Variants in GYG1 observed in about 807,000 individuals in gnomAD.
GYG1 encodes the protein glycogenin-1.
GYG1 carries 44 observed loss-of-function variants against 41.9 expected under a neutral mutation model. That is an observed-to-expected ratio of 1.05 (90% confidence interval 0.83 to 1.35). GYG1 has a LOEUF of 1.35. Ranked by LOEUF, GYG1 falls within the 40% of genes most tolerant of loss-of-function variation. GYG1 has a pLI of 0.00. For missense variants in GYG1, 429 were observed against 418.9 expected, an observed-to-expected ratio of 1.02 and a Z score of -0.21; for synonymous variants, 141 against 158.1, an observed-to-expected ratio of 0.89 and a Z score of 0.81.
chr3:148,999,439 A>C (rs1357652918), intron 4 of GYG1, among the ~76,000 whole-genome samples: 3 of 152,250 alleles, frequency 2.0e-5, no homozygotes, highest in Non-Finnish European at 4.4e-5. Context: ...ATGAATTAGC[A>C]GTTCTCGAAT....
intron 5 of GYG1, among the ~76,000 whole-genome samples, chr3:149,015,068 T>C (rs1205984658): frequency 6.6e-6 from 1 of 152,204 alleles, no homozygotes; most frequent in Admixed American, 6.5e-5. Context: ...TGGTAGGATA[T>C]GTCAAATGTG....
intron 5 of GYG1, among the ~76,000 whole-genome samples, chr3:149,016,947 A>AT (rs1327588878): frequency 6.6e-6 from 1 of 152,160 alleles, no homozygotes; most frequent in Non-Finnish European, 1.5e-5. Flanking sequence ...GATGCTTGAC[A>AT]TTGCTGCCAT....
chr3:149,010,934 G>A (rs762220535), intron 5 of GYG1, among the ~76,000 whole-genome samples: 5 of 152,128 alleles, frequency 3.3e-5, no homozygotes, highest in Non-Finnish European at 7.3e-5. Context: ...TTACACCACG[G>A]TAATAAGCAT....
chr3:149,030,466 G>C lies in GYG1; in HGVS notation c.*3533G>C, dbSNP rs1714910593. On this transcript the variant is annotated 3_prime_UTR_variant, in exon 8 of 8. Coordinates refer to ENST00000345003, the MANE Select transcript of GYG1 (RefSeq NM_004130.4). ...ACAACTTTGTAAATGTCTGGGCAAA[G>C]AAGCAAGCTGTCCTCCCTTTACCTT... The C allele has an allele frequency of 7.1e-6, 1 of 140,408 alleles. No individual in the cohort carries two copies. The highest frequency in any genetic ancestry group is 2.4e-5 in the African/African-American group (1 of 41,150). The allele number at this position is 140,408 out of a possible 1,614,324, so 8.7% of individuals were successfully genotyped here.
At chr3:149,011,528 T>C (rs529642332) in intron 5 of GYG1, among the ~76,000 whole-genome samples, 1 of 152,322 alleles carries the variant, frequency 6.6e-6, no homozygotes, top group East Asian at 1.9e-4. Flanking sequence ...TTGAGCACGT[T>C]GTACCTTTCG....
chr3:148,994,001 A>C (rs1027042711), intron 1 of GYG1, 141 bp from the exon 2 acceptor site: 3 of 765,476 alleles, frequency 3.9e-6, no homozygotes. Flanking sequence ...TTTCTCCCCA[A>C]AGGGCTACAG....
chr3:149,023,617 T>C (rs1353932639), intron 5 of GYG1, among the ~76,000 whole-genome samples: 1 of 152,202 alleles, frequency 6.6e-6, no homozygotes, highest in Non-Finnish European at 1.5e-5. Flanking sequence ...ATTTTTTGTA[T>C]GTATTTAACA....
rs1231194468 is a variant in GYG1, at chr3:149,024,087, G to A, written c.643G>A (p.Gly215Arg). The change falls in exon 6 of 8, where the codon GGA becomes AGA. Residue 215 changes from glycine to arginine, a missense_variant. By Grantham distance (125) the Gly-to-Arg change is moderately radical. Coordinates refer to ENST00000345003, the MANE Select transcript of GYG1 (RefSeq NM_004130.4). Reference protein sequence around the residue: ...GASAKVVHFLGRVKPWNYTYD... With the variant: ...GASAKVVHFLRRVKPWNYTYD... ...AAGTGCCAAAGTTGTGCATTTCCTG[G>A]GACGAGTCAAACCATGGAATTATAC... 2.5e-6 allele frequency: 4 copies of A among 1,614,072 alleles called. No homozygotes were observed. The highest frequency in any genetic ancestry group is 3.4e-6 in the Non-Finnish European group (4 of 1,179,990).
intron 6 of GYG1, among the ~76,000 whole-genome samples, chr3:149,025,578 G>A (rs1409270176): frequency 6.6e-6 from 1 of 152,118 alleles, no homozygotes; most frequent in Non-Finnish European, 1.5e-5. Context: ...ACTATATTAA[G>A]TACTATTAGT....
intron 4 of GYG1, among the ~76,000 whole-genome samples, chr3:149,000,149 T>A (rs1713012107): frequency 6.6e-6 from 1 of 152,260 alleles, no homozygotes; most frequent in Non-Finnish European, 1.5e-5. Flanking sequence ...GCCAAGAGAA[T>A]AATCCTAATA....
chr3:148,992,956 TCTA>T (rs369219033), intron 1 of GYG1, among the ~76,000 whole-genome samples: 11 of 150,492 alleles, frequency 7.3e-5, no homozygotes, highest in African/African-American at 2.7e-4. Flanking sequence ...CGGTGGAATT[TCTA>T]CTGCTTCCAG....
chr3:149,003,365 C>G (rs1193017748), intron 4 of GYG1, among the ~76,000 whole-genome samples: 4 of 152,070 alleles, frequency 2.6e-5, no homozygotes, highest in Non-Finnish European at 5.9e-5. Flanking sequence ...ATCCACCCAC[C>G]TCGGCCTCCC....
rs76917162 is a variant in GYG1, at chr3:149,009,658, A to G, written c.608+256A>G. 0.029 allele frequency among the ~76,000 whole-genome samples: 4,367 copies of G among 152,200 alleles called. 84 individuals are homozygous for G. The highest frequency in any genetic ancestry group is 0.068 in the South Asian group (327 of 4,808). Reference sequence around the variant, plus strand: ...TTCTGGGGTTCATGGCCCTCTGGTAAGTTATTAATATGTCATGGTCAAAAA... The same window carrying G: ...TTCTGGGGTTCATGGCCCTCTGGTAGGTTATTAATATGTCATGGTCAAAAA... On this transcript the variant is annotated intron_variant, in intron 5 of 7. Transcript: ENST00000345003.
chr3:149,011,992 A>C (rs1009490242), intron 5 of GYG1, among the ~76,000 whole-genome samples: 7 of 152,132 alleles, frequency 4.6e-5, no homozygotes, highest in Non-Finnish European at 1.0e-4. Flanking sequence ...CTGCCTATTG[A>C]GGAATATTGA....
chr3:148,993,627 A>C (rs1576535896), intron 1 of GYG1, among the ~76,000 whole-genome samples: 2 of 152,282 alleles, frequency 1.3e-5, no homozygotes, highest in East Asian at 3.9e-4. Flanking sequence ...TGGGTGGCCG[A>C]GTGAGACCCT....
At chr3:148,995,237 GT>G (rs1010261581) in intron 2 of GYG1, among the ~76,000 whole-genome samples, 1 of 152,046 alleles carries the variant, frequency 6.6e-6, no homozygotes, top group African/African-American at 2.4e-5. Context: ...GAAAATCGAA[GT>G]ATCTGAATGA....
At chr3:149,001,169 T>G (rs1245365578) in intron 4 of GYG1, 1 of 152,212 alleles carries the variant, frequency 6.6e-6, no homozygotes, top group Non-Finnish European at 1.5e-5. Flanking sequence ...TTCACTTGGT[T>G]CCCTGACTTG....
At chr3:148,997,683 C>A (rs566241175) in intron 4 of GYG1, among the ~76,000 whole-genome samples, 2 of 152,250 alleles carry the variant, frequency 1.3e-5, no homozygotes, top group South Asian at 2.1e-4. Context: ...AGAAGGAGTT[C>A]TTTGAAAAAT....
chr3:148,994,277 G>A lies in GYG1; in HGVS notation c.143G>A (p.Arg48Lys), dbSNP rs1712664875. The part of the protein sequence containing the change: ...LATPQVSDSM[R>K]KVLETVFDEV... ...ACCCCTCAGGTCTCAGACTCCATGA[G>A]GTGAGGACCTCGCTGCCACCCCAGC... is the stretch of plus-strand genomic sequence containing the variant. Residue 48 changes from arginine to lysine, a missense_variant and splice_region_variant, in exon 2 of 8, where the codon AGA becomes AAA. Coordinates refer to ENST00000345003, the MANE Select transcript of GYG1 (RefSeq NM_004130.4). The A allele has an allele frequency of 6.2e-7, 1 of 1,614,070 alleles. No individual in the cohort carries two copies. The highest frequency in any genetic ancestry group is 2.2e-5 in the East Asian group (1 of 44,886).
Sources: allele counts gnomAD v4.1 joint callset (sites outside exome capture counted in the v4.1 genomes callset), GRCh38; gene constraint gnomAD v4.1.1; transcripts MANE v1.5; gene names NCBI Gene and HGNC (gene_info 2026-07-23, HGNC 2026-07-21).